ZNF451: variants seen among roughly 807,000 people sequenced by gnomAD.
ZNF451 encodes zinc finger protein 451.
ZNF451 carries 80 observed loss-of-function variants against 107.1 expected under a neutral mutation model. That is an observed-to-expected ratio of 0.75 (90% confidence interval 0.62 to 0.90). ZNF451 has a LOEUF of 0.90. ZNF451 is among the 40% of genes least tolerant of loss of function. The pLI is 0.00. For synonymous variants in ZNF451, 362 were observed against 406.5 expected, an observed-to-expected ratio of 0.89 and a Z score of 1.32; for missense variants, 1,107 against 1,236.2, an observed-to-expected ratio of 0.90 and a Z score of 1.57.
intron 3 of ZNF451, among the ~76,000 whole-genome samples, chr6:57,118,846 C>T (rs1335124674): frequency 1.3e-5 from 2 of 152,108 alleles, no homozygotes; most frequent in Non-Finnish European, 2.9e-5. Context: ...AAATAACTTC[C>T]TGTGACTGCC....
In ZNF451 at chr6:57,133,521, G is replaced by C. The variant is rs78955196; in HGVS notation, c.575+329G>C. 7.5e-4 allele frequency among the ~76,000 whole-genome samples: 114 copies of C among 152,280 alleles called. 1 individual carries two copies. The highest frequency in any genetic ancestry group is 2.6e-3 in the African/African-American group (109 of 41,554). ...CAGCCCATAAATGTAAATTTCAAGAGACAAGGAGCGTGTACAGACATTTGG... is the reference window on the plus strand; with the variant it reads ...CAGCCCATAAATGTAAATTTCAAGACACAAGGAGCGTGTACAGACATTTGG... On this transcript the variant is annotated intron_variant, in intron 6 of 14. Transcript: ENST00000370706.
chr6:57,160,739 C>T (rs1022578506), intron 13 of ZNF451: 2 of 171,928 alleles, frequency 1.2e-5, no homozygotes, highest in African/African-American at 4.7e-5. Flanking sequence ...TTTTGCAGTG[C>T]CTTTTCAGTC....
At position 57,153,988 on chromosome 6, in the gene ZNF451, A is replaced by T; in HGVS notation, c.3011A>T (p.His1004Leu). The stretch of plus-strand genomic sequence containing the variant: ...AGGCCAGCTCATATACTAAACCCTC[A>T]CCACTTAGAGGGAGATATGATGTGT... ...TQRPAHILNP[H>L]HLEGDMMCAL... Residue 1004 changes from histidine (H) to leucine (L), a missense_variant, in exon 13 of 15, where the codon CAC becomes CTC. Physicochemically the swap from His to Leu is moderately conservative, Grantham distance 99. Transcript: ENST00000370706. 6.2e-7 allele frequency: 1 copy of T among 1,614,110 alleles called. No individual in the cohort carries two copies. The highest frequency in any genetic ancestry group is 1.1e-5 in the South Asian group (1 of 91,080).
At chr6:57,138,210 T>G (rs6459179) in intron 7 of ZNF451, among the ~76,000 whole-genome samples, 17,789 of 152,014 alleles carry the variant, frequency 0.12, 1,274 homozygotes, top group African/African-American at 0.19. Flanking sequence ...CAGCAATGTT[T>G]GTGGGTTTCA....
At chr6:57,100,621 G>T (rs1035523742) in intron 3 of ZNF451, 2 of 1,527,988 alleles carry the variant, frequency 1.3e-6, no homozygotes, top group Admixed American at 4.2e-5. Flanking sequence ...TGAATCTAAG[G>T]TGCCATCCTC....
intron 13 of ZNF451, among the ~76,000 whole-genome samples, chr6:57,157,444 G>A (rs886949213): frequency 6.6e-6 from 1 of 152,090 alleles, no homozygotes; most frequent in East Asian, 1.9e-4. Context: ...CATTGTTTTA[G>A]CATGGTGGGG....
intron 2 of ZNF451, chr6:57,092,990 CTATG>C (rs1829121543): frequency 6.6e-6 from 1 of 152,280 alleles, no homozygotes; most frequent in African/African-American, 2.4e-5. Flanking sequence ...CCTCATACAT[CTATG>C]TAAACAGCGC....
In ZNF451 at chr6:57,152,624, C is replaced by T. The variant is rs180743845; in HGVS notation, c.2883+273C>T. On this transcript the variant is annotated intron_variant, in intron 12 of 14. Transcript: ENST00000370706. ...TTTGGGTTTGTTTTTGAGACAGTCT[C>T]GCTCTGTCACCCAGGCTGGAGTGCA... Among the ~76,000 whole-genome samples, 104 of 152,274 alleles carry T rather than the reference C, an allele frequency of 6.8e-4. 1 individual carries two copies. The highest frequency in any genetic ancestry group is 2.4e-3 in the African/African-American group (99 of 41,554).
chr6:57,102,866 T>C, intron 3 of ZNF451: 1 of 985,418 alleles, frequency 1.0e-6, no homozygotes, highest in Non-Finnish European at 1.2e-6. Context: ...CCATCACTAC[T>C]CATAAAGCTA....
At position 57,142,007 on chromosome 6, in the gene ZNF451, T is replaced by A. The variant is rs946876495; in HGVS notation, c.916T>A (p.Ser306Thr). 2 of 1,614,020 alleles carry A rather than the reference T, an allele frequency of 1.2e-6. No homozygotes were observed. Among genetic ancestry groups the A allele is most frequent in the Non-Finnish European group, 1.7e-6 (2 of 1,179,988 alleles). ...FPSFAKKLLI[S>T]LCKDVPFQVK... ...ATCTTTTGCAAAGAAACTTTTGATCTCTCTGTGCAAAGATGTTCCCTTTCA... is the reference window on the plus strand; with the variant it reads ...ATCTTTTGCAAAGAAACTTTTGATCACTCTGTGCAAAGATGTTCCCTTTCA... Residue 306 changes from serine to threonine, a missense_variant, in exon 9 of 15, where the codon TCT becomes ACT. Transcript: ENST00000370706.
At chr6:57,141,835 TA>T in intron 8 of ZNF451, 112 bp from the exon 9 acceptor site, 1 of 923,204 alleles carries the variant, frequency 1.1e-6, no homozygotes, top group South Asian at 2.0e-5. Context: ...ATTGCCAAAA[TA>T]ACTGTCTTCT....
At position 57,153,970 on chromosome 6, in the gene ZNF451, C is replaced by T. The variant is rs781484483; in HGVS notation, c.2993C>T (p.Ala998Val). The change falls in exon 13 of 15, where the codon GCT (alanine) becomes GTT (valine). Residue 998 changes from alanine (A) to valine (V), a missense_variant. Transcript: ENST00000370706. ...CAATTTAAGAAGACTCAGAGGCCAG[C>T]TCATATACTAAACCCTCACCACTTA... is the stretch of plus-strand genomic sequence containing the variant. ...ENQFKKTQRP[A>V]HILNPHHLEG... The T allele has an allele frequency of 5.6e-6, 9 of 1,614,046 alleles. No individual in the cohort carries two copies. The highest frequency in any genetic ancestry group is 7.6e-6 in the Non-Finnish European group (9 of 1,180,024).
chr6:57,137,987 A>G (rs547804582), intron 7 of ZNF451, among the ~76,000 whole-genome samples: 43 of 152,270 alleles, frequency 2.8e-4, no homozygotes, highest in South Asian at 2.5e-3. Flanking sequence ...GCCGCATTGT[A>G]TTTAACAGTT....
chr6:57,143,845 A>G (rs1831915603), intron 9 of ZNF451, among the ~76,000 whole-genome samples: 1 of 152,224 alleles, frequency 6.6e-6, no homozygotes, highest in Non-Finnish European at 1.5e-5. Context: ...GGACATATCC[A>G]TACAAGGGAA....
At chr6:57,155,100 G>A (rs1763347778) in intron 13 of ZNF451, among the ~76,000 whole-genome samples, 1 of 152,086 alleles carries the variant, frequency 6.6e-6, no homozygotes, top group Admixed American at 6.5e-5. Flanking sequence ...TCATGCCTTA[G>A]TTCTGAGTAT....
Position 57,124,727 on chromosome 6 carries a change from G to A in ZNF451, c.187-7G>A, listed in dbSNP as rs763677560. On this transcript the variant is annotated splice_region_variant and splice_polypyrimidine_tract_variant and intron_variant, in intron 3 of 14. Transcript: ENST00000370706. Reference sequence around the variant, plus strand: ...TAAAAGGAATGAAAATTTTTTTCATGTTATAGGAGAATATTAAACGTAAAG... The same window carrying A: ...TAAAAGGAATGAAAATTTTTTTCATATTATAGGAGAATATTAAACGTAAAG... 38 of 1,567,798 alleles carry A rather than the reference G, an allele frequency of 2.4e-5. No homozygotes were observed. Among genetic ancestry groups the A allele is most frequent in the Middle Eastern group, 1.7e-4 (1 of 5,974 alleles).
intron 13 of ZNF451, 173 bp from the exon 14 acceptor site, chr6:57,160,911 C>A: frequency 2.3e-6 from 1 of 431,834 alleles, no homozygotes; most frequent in Non-Finnish European, 4.2e-6. Context: ...TTAATGTCAC[C>A]ATTTTTAATA....
At chr6:57,156,194 G>T (rs1460619737) in intron 13 of ZNF451, among the ~76,000 whole-genome samples, 4 of 152,056 alleles carry the variant, frequency 2.6e-5, no homozygotes, top group African/African-American at 9.7e-5. Context: ...ATGTTACACT[G>T]AATCATAGTA....
chr6:57,119,682 C>A (rs751646486), intron 3 of ZNF451, among the ~76,000 whole-genome samples: 1 of 152,268 alleles, frequency 6.6e-6, no homozygotes, highest in East Asian at 1.9e-4. Context: ...GCAAAACCTC[C>A]ACTATCCTCA....
Sources: gnomAD v4.1 joint callset for allele counts (sites outside exome capture counted in the v4.1 genomes callset) on GRCh38, gnomAD v4.1.1 for gene constraint, MANE v1.5 for transcripts, NCBI Gene and HGNC (gene_info 2026-07-23, HGNC 2026-07-21) for gene names.